UBE2D1: variants seen among roughly 807,000 people sequenced by gnomAD.
UBE2D1 encodes the protein ubiquitin-conjugating enzyme E2 D1.
UBE2D1 carries 9 observed loss-of-function variants against 24.6 expected under a neutral mutation model. The ratio of observed to expected loss-of-function variants is 0.37; its 90% CI spans 0.22 to 0.64. UBE2D1 has a LOEUF of 0.64. Among genes scored for constraint, UBE2D1 ranks in the 30% least tolerant of loss-of-function variants. UBE2D1 has a pLI of 0.64. For synonymous variants in UBE2D1, 57 were observed against 57.6 expected, an observed-to-expected ratio of 0.99 and a Z score of 0.04; for missense variants, 87 against 177.1, an observed-to-expected ratio of 0.49 and a Z score of 2.89.
chr10:58,344,030 G>A (rs1839989616), intron 1 of UBE2D1, among the ~76,000 whole-genome samples: 1 of 152,066 alleles, frequency 6.6e-6, no homozygotes, highest in Non-Finnish European at 1.5e-5. Flanking sequence ...ATTTATTTAA[G>A]TTGTGTATAA....
chr10:58,349,212 CTT>C (rs1381865734), intron 1 of UBE2D1, among the ~76,000 whole-genome samples: 1 of 151,910 alleles, frequency 6.6e-6, no homozygotes, highest in Non-Finnish European at 1.5e-5. Context: ...TCATTAATAT[CTT>C]ATATTTTTAT....
chr10:58,360,992 C>CCTCCCTCAATAGA (rs1164441900), intron 1 of UBE2D1: 2 of 458,232 alleles, frequency 4.4e-6, no homozygotes, highest in African/African-American at 2.0e-5. Flanking sequence ...TAGATTGTAA[C>CCTCCCTCAATAGA]CTGTTAAAAT....
chr10:58,357,238 T>C (rs1840141056), intron 1 of UBE2D1, among the ~76,000 whole-genome samples: 1 of 152,056 alleles, frequency 6.6e-6, no homozygotes, highest in South Asian at 2.1e-4. Context: ...TCCTAACATA[T>C]CCGTTTGGAA....
At chr10:58,355,121 G>A (rs1840117069) in intron 1 of UBE2D1, among the ~76,000 whole-genome samples, 1 of 152,134 alleles carries the variant, frequency 6.6e-6, no homozygotes. Flanking sequence ...GAGATATTGA[G>A]AATGAAAAGA....
intron 1 of UBE2D1, among the ~76,000 whole-genome samples, chr10:58,340,745 G>A (rs1411855260): frequency 6.6e-6 from 1 of 152,100 alleles, no homozygotes; most frequent in Non-Finnish European, 1.5e-5. Context: ...AAATTTCCTA[G>A]TAGCCACGTT....
intron 1 of UBE2D1, among the ~76,000 whole-genome samples, chr10:58,346,972 C>T (rs1364987513): frequency 6.6e-6 from 1 of 152,144 alleles, no homozygotes; most frequent in Non-Finnish European, 1.5e-5. Flanking sequence ...TCCATCTATG[C>T]CTACACCTTC....
intron 1 of UBE2D1, among the ~76,000 whole-genome samples, chr10:58,352,900 T>C (rs1840092608): frequency 6.6e-6 from 1 of 152,170 alleles, no homozygotes. Context: ...TAGGATAAAC[T>C]TTCTTTCCAG....
chr10:58,335,824 T>G (rs1042115679), intron 1 of UBE2D1, among the ~76,000 whole-genome samples: 5 of 152,194 alleles, frequency 3.3e-5, no homozygotes, highest in African/African-American at 1.2e-4. Flanking sequence ...TTGGTGCCTC[T>G]GCTGCTGCCA....
At chr10:58,367,372 T>G (rs770588632) in intron 5 of UBE2D1, among the ~76,000 whole-genome samples, 3 of 152,182 alleles carry the variant, frequency 2.0e-5, no homozygotes, top group Non-Finnish European at 4.4e-5. Context: ...TAACAACTAC[T>G]TTTTCAATTT....
intron 1 of UBE2D1, among the ~76,000 whole-genome samples, chr10:58,359,591 A>C (rs1221457142): frequency 6.6e-6 from 1 of 152,156 alleles, no homozygotes; most frequent in Admixed American, 6.5e-5. Context: ...ATTGTTCTCT[A>C]TCTCAGTGAA....
intron 5 of UBE2D1, among the ~76,000 whole-genome samples, chr10:58,365,811 G>A (rs1840249477): frequency 6.6e-6 from 1 of 152,088 alleles, no homozygotes; most frequent in Admixed American, 6.6e-5. Context: ...TCTCTTGAAG[G>A]GATTTATGGA....
At chr10:58,357,979 C>T (rs781168446) in intron 1 of UBE2D1, among the ~76,000 whole-genome samples, 9 of 151,974 alleles carry the variant, frequency 5.9e-5, no homozygotes, top group Non-Finnish European at 1.0e-4. Context: ...TAACTTCTAA[C>T]AGAGGAGGTA....
chr10:58,340,341 G>T (rs1057454618), intron 1 of UBE2D1, among the ~76,000 whole-genome samples: 2 of 152,090 alleles, frequency 1.3e-5, no homozygotes, highest in African/African-American at 2.4e-5. Flanking sequence ...TTACATTCAG[G>T]TTCTAGAAAC....
At chr10:58,358,269 G>C (rs1840154783) in intron 1 of UBE2D1, among the ~76,000 whole-genome samples, 1 of 152,056 alleles carries the variant, frequency 6.6e-6, no homozygotes, top group South Asian at 2.1e-4. Context: ...ATCATTTTCT[G>C]ATTAACTAGT....
chr10:58,359,496 C>T (rs947200043), intron 1 of UBE2D1, among the ~76,000 whole-genome samples: 2 of 152,130 alleles, frequency 1.3e-5, no homozygotes, highest in African/African-American at 4.8e-5. Context: ...TTAAGGTCCA[C>T]CCCTGTATGT....
At chr10:58,335,781 A>G (rs1839897195) in intron 1 of UBE2D1, among the ~76,000 whole-genome samples, 1 of 152,222 alleles carries the variant, frequency 6.6e-6, no homozygotes, top group African/African-American at 2.4e-5. Context: ...TTTGCGGCCA[A>G]GAAGTCAGGA....
At chr10:58,363,531 A>G (rs1840223133) in intron 3 of UBE2D1, 78 bp from the exon 4 acceptor site, 2 of 1,016,366 alleles carry the variant, frequency 2.0e-6, no homozygotes, top group Non-Finnish European at 1.4e-6. Flanking sequence ...TCAAACTGAT[A>G]ATATTTGGGG....
intron 1 of UBE2D1, among the ~76,000 whole-genome samples, chr10:58,344,336 G>A (rs1229332833): frequency 6.6e-6 from 1 of 152,198 alleles, no homozygotes; most frequent in Non-Finnish European, 1.5e-5. Context: ...GAAGAGTGCT[G>A]GAGTAGAAGT....
intron 1 of UBE2D1, among the ~76,000 whole-genome samples, chr10:58,347,944 C>T (rs1014887444): frequency 6.6e-6 from 1 of 152,110 alleles, no homozygotes; most frequent in East Asian, 1.9e-4. Flanking sequence ...CCACCGTTCC[C>T]GGCCCTAAAT....
Sources: allele counts gnomAD v4.1 joint callset (sites outside exome capture counted in the v4.1 genomes callset), GRCh38; gene constraint gnomAD v4.1.1; transcripts MANE v1.5; gene names NCBI Gene and HGNC (gene_info 2026-07-23, HGNC 2026-07-21).